The following CDC73 variants were observed in gnomAD, a reference collection of about 807,000 sequenced individuals.
The protein encoded by CDC73 is parafibromin.
In CDC73, 21 loss-of-function variants were observed where a neutral mutation model predicts 83.7. The observed-to-expected ratio is 0.25, with a 90% confidence interval of 0.18 to 0.36. CDC73 has a LOEUF of 0.36. CDC73 is among the 10% of genes least tolerant of loss of function. The pLI, the probability that CDC73 is intolerant of heterozygous loss-of-function variation, is 1.00. For missense variants in CDC73, 342 were observed against 653.3 expected, an observed-to-expected ratio of 0.52 and a Z score of 5.19; for synonymous variants, 224 against 212.9, an observed-to-expected ratio of 1.05 and a Z score of -0.45.
intron 10 of CDC73, among the ~76,000 whole-genome samples, chr1:193,196,535 G>T (rs1178241771): frequency 1.3e-5 from 2 of 152,172 alleles, no homozygotes; most frequent in African/African-American, 4.8e-5. Context: ...GATAGGGATT[G>T]TGTTGTGCAT....
At chr1:193,133,467 G>A (rs905575297) in intron 3 of CDC73, among the ~76,000 whole-genome samples, 4 of 152,102 alleles carry the variant, frequency 2.6e-5, no homozygotes, top group Non-Finnish European at 5.9e-5. Flanking sequence ...TTGTAGAAGA[G>A]CATTGAGAAA....
intron 13 of CDC73, among the ~76,000 whole-genome samples, chr1:193,213,479 C>T (rs1028646378): frequency 1.3e-5 from 2 of 151,504 alleles, no homozygotes; most frequent in African/African-American, 2.4e-5. Flanking sequence ...TGTCAGAATG[C>T]GTTTTATGAA....
chr1:193,179,427 G>A (rs185738888), intron 10 of CDC73: 1 of 152,622 alleles, frequency 6.6e-6, no homozygotes. Context: ...CTTTTGCTTC[G>A]ATTATCTTTA....
intron 10 of CDC73, among the ~76,000 whole-genome samples, chr1:193,200,525 T>C (rs1412057043): frequency 6.6e-6 from 1 of 152,250 alleles, no homozygotes; most frequent in Non-Finnish European, 1.5e-5. Context: ...AATTCAGTTA[T>C]TACTTTTCTA....
intron 11 of CDC73, among the ~76,000 whole-genome samples, chr1:193,204,300 C>CT (rs1204184720): frequency 2.8e-5 from 2 of 72,138 alleles, no homozygotes; most frequent in Non-Finnish European, 5.8e-5. Context: ...TTTTTTTTTT[C>CT]TTTTTTTGAG....
chr1:193,127,460 G>A (rs1675599446), intron 2 of CDC73, among the ~76,000 whole-genome samples: 1 of 151,946 alleles, frequency 6.6e-6, no homozygotes, highest in African/African-American at 2.4e-5. Context: ...GGGAAAATAA[G>A]GGGAAAAAAA....
rs752959843 is a variant in CDC73, at chr1:193,233,072, A to C, written c.1234A>C (p.Met412Leu). The C allele has an allele frequency of 6.2e-7, 1 of 1,613,402 alleles. No individual in the cohort carries two copies. The highest frequency in any genetic ancestry group is 8.5e-7 in the Non-Finnish European group (1 of 1,179,276). Reference protein sequence around the residue: ...ETLIQRRKDQMQPGGTAISVT... With the variant: ...ETLIQRRKDQLQPGGTAISVT... The stretch of plus-strand genomic sequence containing the variant: ...TCTAATACAAAGAAGAAAAGACCAG[A>C]TGCAACCAGGGGGCACTGCAATTAG... The change falls in exon 14 of 17, where the codon ATG becomes CTG. Residue 412 changes from methionine (M) to leucine (L), a missense_variant. Met to Leu is a conservative substitution (Grantham distance 15). This residue lies in a region of CDC73 where 239 missense variants were observed against 420.6 expected (regional missense o/e 0.57). Transcript: ENST00000367435.
chr1:193,230,341 A>T (rs1217283316), intron 13 of CDC73, among the ~76,000 whole-genome samples: 1 of 150,448 alleles, frequency 6.6e-6, no homozygotes, highest in Non-Finnish European at 1.5e-5. Flanking sequence ...TAGAGACGGG[A>T]TTTCACCATG....
chr1:193,192,004 C>T (rs115931132), intron 10 of CDC73, among the ~76,000 whole-genome samples: 3,657 of 152,186 alleles, frequency 0.024, 64 homozygotes, highest in Non-Finnish European at 0.036. Context: ...TAAAGTATAA[C>T]AAACAATTTG....
At chr1:193,134,111 T>G (rs1266972054) in intron 3 of CDC73, among the ~76,000 whole-genome samples, 1 of 152,118 alleles carries the variant, frequency 6.6e-6, no homozygotes, top group Non-Finnish European at 1.5e-5. Flanking sequence ...ATCCTAGAGG[T>G]ATATTTCGTT....
At chr1:193,228,156 A>G (rs547966644) in intron 13 of CDC73, among the ~76,000 whole-genome samples, 23 of 152,286 alleles carry the variant, frequency 1.5e-4, no homozygotes, top group African/African-American at 4.3e-4. Context: ...TCATGATTTA[A>G]TATCTCTGAA....
At chr1:193,197,024 G>A (rs2103172302) in intron 10 of CDC73, among the ~76,000 whole-genome samples, 1 of 152,246 alleles carries the variant, frequency 6.6e-6, no homozygotes, top group African/African-American at 2.4e-5. Flanking sequence ...CCTGATCTTA[G>A]GGACAAAGCT....
chr1:193,220,157 C>CTTTTTTT (rs776793164), intron 13 of CDC73, among the ~76,000 whole-genome samples: 11 of 108,790 alleles, frequency 1.0e-4, no homozygotes, highest in East Asian at 5.3e-4. Flanking sequence ...ACAATGATAA[C>CTTTTTTT]TTTTTTTTTT....
intron 10 of CDC73, chr1:193,186,357 C>T (rs1676806872): frequency 6.6e-6 from 1 of 152,448 alleles, no homozygotes; most frequent in African/African-American, 2.4e-5. Flanking sequence ...TGCTATTTTC[C>T]TGGCTGGACA....
intron 15 of CDC73, among the ~76,000 whole-genome samples, chr1:193,243,257 T>A (rs542284963): frequency 0.041 from 6,297 of 152,282 alleles, 419 homozygotes; most frequent in African/African-American, 0.14. Flanking sequence ...TGTTTTTAAC[T>A]TCCAGAGGCT....
intron 13 of CDC73, among the ~76,000 whole-genome samples, chr1:193,219,106 T>G (rs1558314940): frequency 6.6e-6 from 1 of 152,174 alleles, no homozygotes; most frequent in Non-Finnish European, 1.5e-5. Flanking sequence ...AAAGAAGATA[T>G]ACACATGGCC....
intron 11 of CDC73, among the ~76,000 whole-genome samples, chr1:193,204,535 C>T (rs190750217): frequency 1.4e-3 from 207 of 151,830 alleles, no homozygotes; most frequent in African/African-American, 3.3e-3. Context: ...ATGATCCGCC[C>T]GCCTCGGCCT....
intron 15 of CDC73, among the ~76,000 whole-genome samples, chr1:193,239,643 T>A (rs1176794089): frequency 6.6e-6 from 1 of 152,228 alleles, no homozygotes; most frequent in Non-Finnish European, 1.5e-5. Context: ...TACATATTTA[T>A]GGTGTACATG....
In CDC73 at chr1:193,180,548, A is replaced by G. The variant is rs143140528; in HGVS notation, c.973-23247A>G. ...CAGATCCCTACATATACATCTTCCA[A>G]GTGCAAACGGCGGATACCTAAAGAA... On this transcript the variant is annotated intron_variant, in intron 10 of 16. Coordinates refer to ENST00000367435, the MANE Select transcript of CDC73 (RefSeq NM_024529.5). 16 of 1,614,166 alleles carry G rather than the reference A, an allele frequency of 9.9e-6. No homozygotes were observed. In the East Asian group the frequency reaches 2.7e-4, roughly 27 times the overall value.
Sources: allele counts gnomAD v4.1 joint callset (sites outside exome capture counted in the v4.1 genomes callset), GRCh38; gene constraint gnomAD v4.1.1; regional missense constraint gnomAD v4.1.1; transcripts MANE v1.5; gene names NCBI Gene and HGNC (gene_info 2026-07-23, HGNC 2026-07-21).